FAM135A: variants seen among roughly 807,000 people sequenced by gnomAD.
FAM135A encodes the protein protein FAM135A.
A neutral mutation model predicts 146.8 loss-of-function variants in FAM135A; 79 were observed. The observed-to-expected ratio is 0.54, with a 90% CI of 0.45 to 0.65. FAM135A has a LOEUF of 0.65. FAM135A is among the 30% of genes least tolerant of loss of function. The probability of loss-of-function intolerance (pLI) is 0.00; values close to 1 mark genes in which losing one functional copy is unlikely to be tolerated. For synonymous variants in FAM135A, 562 were observed against 603.6 expected, an observed-to-expected ratio of 0.93 and a Z score of 1.01; for missense variants, 1,623 against 1,758.2, an observed-to-expected ratio of 0.92 and a Z score of 1.38.
At chr6:70,509,152 G>A (rs1009000886) in intron 12 of FAM135A, among the ~76,000 whole-genome samples, 6 of 151,868 alleles carry the variant, frequency 4.0e-5, no homozygotes, top group African/African-American at 1.5e-4. Context: ...TGTCTTTCCT[G>A]GCTGGGCACA....
chr6:70,553,074 C>T (rs1255423123), intron 20 of FAM135A, among the ~76,000 whole-genome samples: 2 of 152,064 alleles, frequency 1.3e-5, no homozygotes, highest in Non-Finnish European at 2.9e-5. Flanking sequence ...TCACATCAGG[C>T]ATCAATAGCA....
At chr6:70,512,985 CT>C (rs144141127) in intron 12 of FAM135A, among the ~76,000 whole-genome samples, 7,008 of 147,396 alleles carry the variant, frequency 0.048, 366 homozygotes, top group African/African-American at 0.12. Flanking sequence ...AAGATTCTTT[CT>C]TTTTTTTTTC....
At chr6:70,544,806 T>C (rs1285142907) in intron 20 of FAM135A, among the ~76,000 whole-genome samples, 3 of 151,314 alleles carry the variant, frequency 2.0e-5, no homozygotes, top group Non-Finnish European at 4.4e-5. Flanking sequence ...ATCCCCGTAC[T>C]TTGGGAGGCT....
chr6:70,531,198 C>T (rs900078741), intron 16 of FAM135A, among the ~76,000 whole-genome samples: 1 of 151,450 alleles, frequency 6.6e-6, no homozygotes, highest in Non-Finnish European at 1.5e-5. Flanking sequence ...CAGATATTAT[C>T]ATTCTTTGGT....
intron 16 of FAM135A, among the ~76,000 whole-genome samples, chr6:70,529,527 A>G (rs1182123276): frequency 6.6e-6 from 1 of 152,016 alleles, no homozygotes; most frequent in African/African-American, 2.4e-5. Flanking sequence ...AAGTCTTCAA[A>G]GAATTATCCC....
At chr6:70,437,277 G>A (rs955822297) in intron 4 of FAM135A, among the ~76,000 whole-genome samples, 1 of 151,958 alleles carries the variant, frequency 6.6e-6, no homozygotes, top group African/African-American at 2.4e-5. Context: ...CCAATAAATT[G>A]GCTAGATAAT....
chr6:70,486,821 G>A (rs764847198), intron 10 of FAM135A, among the ~76,000 whole-genome samples: 10 of 152,058 alleles, frequency 6.6e-5, no homozygotes, highest in Non-Finnish European at 1.2e-4. Flanking sequence ...CCAGCTACTC[G>A]GAGGCTGAGG....
chr6:70,546,624 T>G (rs1798914533), intron 20 of FAM135A, among the ~76,000 whole-genome samples: 1 of 152,202 alleles, frequency 6.6e-6, no homozygotes, highest in African/African-American at 2.4e-5. Flanking sequence ...GTATTTTTTA[T>G]AAAAATCATA....
chr6:70,557,164 T>A (rs886238751), intron 21 of FAM135A: 1 of 479,322 alleles, frequency 2.1e-6, no homozygotes, highest in East Asian at 3.1e-5. Flanking sequence ...ATCCTTGTCA[T>A]ATGTTCTGCT....
intron 10 of FAM135A, chr6:70,486,349 G>A (rs1363201887): frequency 1.0e-6 from 1 of 954,092 alleles, no homozygotes; most frequent in Non-Finnish European, 1.6e-6. Context: ...TAATAATGTG[G>A]TATGTTTCCA....
At chr6:70,450,899 G>A (rs1310998231) in intron 4 of FAM135A, among the ~76,000 whole-genome samples, 2 of 151,086 alleles carry the variant, frequency 1.3e-5, no homozygotes, top group Non-Finnish European at 3.0e-5. Flanking sequence ...ATGCCACCAC[G>A]CCTGGCTAAT....
At chr6:70,438,625 C>T (rs1773755163) in intron 4 of FAM135A, among the ~76,000 whole-genome samples, 1 of 152,104 alleles carries the variant, frequency 6.6e-6, no homozygotes, top group African/African-American at 2.4e-5. Flanking sequence ...CCCAAGAGTG[C>T]AAGAGTACTG....
At chr6:70,453,191 G>C (rs1047779863) in intron 5 of FAM135A, among the ~76,000 whole-genome samples, 1 of 152,120 alleles carries the variant, frequency 6.6e-6, no homozygotes, top group Non-Finnish European at 1.5e-5. Context: ...AAATGAACCA[G>C]TTAATGAAAC....
intron 11 of FAM135A, among the ~76,000 whole-genome samples, chr6:70,500,229 T>C (rs1345296194): frequency 6.6e-6 from 1 of 152,222 alleles, no homozygotes; most frequent in Non-Finnish European, 1.5e-5. Context: ...TTTCAGTAAG[T>C]TGATCTTCAG....
intron 4 of FAM135A, among the ~76,000 whole-genome samples, chr6:70,443,698 A>G (rs780180098): frequency 2.0e-5 from 3 of 152,180 alleles, no homozygotes; most frequent in Non-Finnish European, 4.4e-5. Context: ...CTCTTTTTGC[A>G]TATTTAGAGT....
At chr6:70,448,182 AAG>A (rs765079314) in intron 4 of FAM135A, among the ~76,000 whole-genome samples, 1 of 152,186 alleles carries the variant, frequency 6.6e-6, no homozygotes, top group Non-Finnish European at 1.5e-5. Flanking sequence ...GTCCTCTGGA[AAG>A]GAAAGATCTG....
At position 70,521,371 on chromosome 6, in the gene FAM135A, G is replaced by A. The variant is rs371144986; in HGVS notation, c.1030-1142G>A. On this transcript the variant is annotated intron_variant, in intron 12 of 21. Transcript: ENST00000418814. ...GGAAATCATCTTAATAGCCAGACAGGCTGTTATTTTTCTCTCACCTTTCCT... is the reference window on the plus strand; with the variant it reads ...GGAAATCATCTTAATAGCCAGACAGACTGTTATTTTTCTCTCACCTTTCCT... Among the ~76,000 whole-genome samples the A allele has an allele frequency of 2.6e-5, 4 of 152,280 alleles. No homozygotes were observed. In the East Asian group the frequency reaches 7.7e-4, roughly 29 times the overall value.
chr6:70,525,981 C>T lies in FAM135A; in HGVS notation c.2897C>T (p.Thr966Ile). The change falls in exon 15 of 22, where the codon ACA becomes ATA. Residue 966 changes from threonine (T) to isoleucine (I), a missense_variant. Coordinates refer to ENST00000418814, the MANE Select transcript of FAM135A (RefSeq NM_001162529.3). The part of the protein sequence containing the change: ...KSNNSTGTAI[T>I]LNSKLICLGT... ...AATAACTCTACAGGGACAGCAATTACATTAAATTCAAAACTGATTTGTTTA... is the reference window on the plus strand; with the variant it reads ...AATAACTCTACAGGGACAGCAATTATATTAAATTCAAAACTGATTTGTTTA... 1 of 1,613,080 alleles carries T rather than the reference C, an allele frequency of 6.2e-7. No homozygotes were observed. The highest frequency in any genetic ancestry group is 8.5e-7 in the Non-Finnish European group (1 of 1,179,542).
chr6:70,424,071 A>G (rs1025588034), intron 2 of FAM135A, among the ~76,000 whole-genome samples: 4 of 152,246 alleles, frequency 2.6e-5, no homozygotes, highest in Non-Finnish European at 5.9e-5. Context: ...CAGTGGATTA[A>G]TATCCTTAGT....
Sources: allele counts gnomAD v4.1 joint callset (sites outside exome capture counted in the v4.1 genomes callset), GRCh38; gene constraint gnomAD v4.1.1; transcripts MANE v1.5; gene names NCBI Gene and HGNC (gene_info 2026-07-23, HGNC 2026-07-21).